RBM19: variants seen among roughly 807,000 people sequenced by gnomAD.
RBM19 encodes RNA binding motif protein 19, also known as probable RNA-binding protein 19.
In RBM19, 94 loss-of-function variants were observed where a neutral mutation model predicts 116.8. That is an observed-to-expected ratio of 0.80 (90% CI 0.68 to 0.95). RBM19 has a LOEUF of 0.95. Ranked by LOEUF, RBM19 falls within the 40% of genes least tolerant of loss-of-function variation. RBM19 has a pLI of 0.00. For synonymous variants in RBM19, 475 were observed against 494.1 expected (o/e 0.96, Z 0.51); for missense variants, 1,161 against 1,220.7 (o/e 0.95, Z 0.73).
chr12:113,895,450 C>T (rs539554971), intron 21 of RBM19, among the ~76,000 whole-genome samples: 10 of 152,240 alleles, frequency 6.6e-5, no homozygotes, highest in African/African-American at 1.9e-4. Context: ...AGGATACGTA[C>T]GGCATTATGA....
At chr12:113,938,326 TCCCA>T (rs1870251144) in intron 15 of RBM19, among the ~76,000 whole-genome samples, 1 of 151,770 alleles carries the variant, frequency 6.6e-6, no homozygotes, top group African/African-American at 2.4e-5. Context: ...GGCCACAGAG[TCCCA>T]AGCTAAAGAC....
At chr12:113,859,576 C>T (rs1398724386) in intron 21 of RBM19, among the ~76,000 whole-genome samples, 1 of 152,168 alleles carries the variant, frequency 6.6e-6, no homozygotes, top group Non-Finnish European at 1.5e-5. Flanking sequence ...AGGGATCAAA[C>T]TGGTAACCAC....
intron 21 of RBM19, among the ~76,000 whole-genome samples, chr12:113,881,316 G>A (rs1880109958): frequency 6.6e-6 from 1 of 152,194 alleles, no homozygotes. Context: ...TGGGAAGGGA[G>A]GAAGGAGGAC....
chr12:113,947,925 T>C (rs1254052862), intron 10 of RBM19, among the ~76,000 whole-genome samples: 1 of 152,224 alleles, frequency 6.6e-6, no homozygotes, highest in Non-Finnish European at 1.5e-5. Context: ...AAATGGACAT[T>C]TGCAATATAT....
chr12:113,849,422 C>T (rs529663767), intron 22 of RBM19, among the ~76,000 whole-genome samples: 195 of 152,360 alleles, frequency 1.3e-3, no homozygotes, highest in Non-Finnish European at 2.0e-3. Flanking sequence ...CTGGCTTAGA[C>T]GTCCTGCCAC....
Position 113,917,111 on chromosome 12 carries a change from C to T in RBM19, c.2441+1281G>A, listed in dbSNP as rs140497045. ...TAGGGTGTAAACTCCCAAGGAAACA[C>T]TATCCCCCATGCCTAGAAGGAGGAT... is the stretch of plus-strand genomic sequence containing the variant. On this transcript the variant is annotated intron_variant, in intron 20 of 23. Transcript: ENST00000261741. Among the ~76,000 whole-genome samples the T allele has an allele frequency of 8.7e-4, 132 of 152,338 alleles. 1 individual carries two copies. The highest frequency in any genetic ancestry group is 1.4e-3 in the Non-Finnish European group (93 of 68,034).
Position 113,957,780 on chromosome 12 carries a change from A to G in RBM19, c.840+2T>C. The stretch of plus-strand genomic sequence containing the variant: ...CTCATCACCTGCGGGATACACACGC[A>G]CCTCGGCTCTGGCCTCCGGTGGTCT... On this transcript the variant is annotated splice_donor_variant, in intron 6 of 23. Coordinates refer to ENST00000261741, the MANE Select transcript of RBM19 (RefSeq NM_016196.4). LOFTEE classifies it high-confidence loss of function. 6.3e-7 allele frequency: 1 copy of G among 1,577,966 alleles called. No individual in the cohort carries two copies. Among genetic ancestry groups the G allele is most frequent in the Non-Finnish European group, 8.6e-7 (1 of 1,160,976 alleles).
intron 1 of RBM19, among the ~76,000 whole-genome samples, chr12:113,965,032 G>A (rs1370165061): frequency 2.0e-5 from 3 of 152,014 alleles, no homozygotes; most frequent in African/African-American, 7.2e-5. Flanking sequence ...AGCACTTTGG[G>A]AGGCCGAGGC....
At chr12:113,943,121 G>A (rs972655310) in intron 13 of RBM19, among the ~76,000 whole-genome samples, 34 of 152,120 alleles carry the variant, frequency 2.2e-4, no homozygotes, top group African/African-American at 4.1e-4. Flanking sequence ...TAAGTGTCAC[G>A]TTGCTGACCA....
At chr12:113,877,297 C>T (rs185222553) in intron 21 of RBM19, among the ~76,000 whole-genome samples, 152 of 152,208 alleles carry the variant, frequency 1.0e-3, no homozygotes, top group African/African-American at 3.2e-3. Flanking sequence ...CAGTACATTG[C>T]GGGGGGGTCC....
rs572475685 is a variant in RBM19, at chr12:113,963,730, C to A, written c.37-1316G>T. On this transcript the variant is annotated intron_variant, in intron 1 of 23. Coordinates refer to ENST00000261741, the MANE Select transcript of RBM19 (RefSeq NM_016196.4). ...CATCATTCCTTTGCCAAAAACCTTTCGGTGACTTTCTGGCACCAAAGTCTC... is the reference window on the plus strand; with the variant it reads ...CATCATTCCTTTGCCAAAAACCTTTAGGTGACTTTCTGGCACCAAAGTCTC... Among the ~76,000 whole-genome samples the A allele has an allele frequency of 4.9e-4, 75 of 152,308 alleles. 1 individual carries two copies. The highest frequency in any genetic ancestry group is 1.8e-3 in the Admixed American group (28 of 15,294).
chr12:113,917,704 T>C (rs1000466254), intron 20 of RBM19, among the ~76,000 whole-genome samples: 3 of 152,236 alleles, frequency 2.0e-5, no homozygotes, highest in African/African-American at 7.2e-5. Flanking sequence ...GTTAGAGGCA[T>C]TCATTTTATC....
chr12:113,882,159 G>A (rs1159133810), intron 21 of RBM19, among the ~76,000 whole-genome samples: 1 of 152,252 alleles, frequency 6.6e-6, no homozygotes, highest in Non-Finnish European at 1.5e-5. Context: ...ACAGTGAAGG[G>A]CAGGTGTGTA....
intron 2 of RBM19, 129 bp downstream of exon 2, chr12:113,962,103 A>G (rs1872548039): frequency 1.8e-6 from 2 of 1,118,876 alleles, no homozygotes; most frequent in Non-Finnish European, 2.6e-6. Context: ...AAGTGTGTGA[A>G]TCGGTGAGGA....
At chr12:113,906,493 G>A (rs1882054124) in intron 21 of RBM19, among the ~76,000 whole-genome samples, 1 of 152,152 alleles carries the variant, frequency 6.6e-6, no homozygotes, top group African/African-American at 2.4e-5. Context: ...GCTGGGCAGG[G>A]GCTAGCTGGA....
At chr12:113,907,558 T>C (rs1358817977) in intron 21 of RBM19, among the ~76,000 whole-genome samples, 1 of 151,798 alleles carries the variant, frequency 6.6e-6, no homozygotes, top group Non-Finnish European at 1.5e-5. Flanking sequence ...CAGGGCAGAG[T>C]GGGGAAATGA....
At chr12:113,920,205 C>T (rs1419137073) in intron 19 of RBM19, among the ~76,000 whole-genome samples, 3 of 152,150 alleles carry the variant, frequency 2.0e-5, no homozygotes, top group Non-Finnish European at 4.4e-5. Flanking sequence ...TTAGAGAGGC[C>T]TTCCCTGACC....
At chr12:113,908,092 A>G (rs1406024447) in intron 21 of RBM19, among the ~76,000 whole-genome samples, 6 of 152,066 alleles carry the variant, frequency 3.9e-5, no homozygotes, top group Non-Finnish European at 8.8e-5. Context: ...CTCCCACCCC[A>G]CACACCTCAC....
intron 16 of RBM19, among the ~76,000 whole-genome samples, chr12:113,930,492 G>A (rs900675217): frequency 6.6e-6 from 1 of 152,242 alleles, no homozygotes; most frequent in Non-Finnish European, 1.5e-5. Context: ...CAGATCAGCT[G>A]CCCTTAGCCC....
Sources: allele counts gnomAD v4.1 joint callset (sites outside exome capture counted in the v4.1 genomes callset), GRCh38; gene constraint gnomAD v4.1.1; transcripts MANE v1.5; gene names NCBI Gene and HGNC (gene_info 2026-07-23, HGNC 2026-07-21).